Variants in SYNE2 observed in about 807,000 individuals in gnomAD.
The protein encoded by SYNE2 is spectrin repeat containing nuclear envelope protein 2, also known as nesprin-2.
SYNE2 carries 431 observed loss-of-function variants against 856.3 expected under a neutral mutation model. The ratio of observed to expected loss-of-function variants is 0.50; its 90% CI spans 0.47 to 0.55. SYNE2 has a LOEUF of 0.55. SYNE2 is among the 20% of genes least tolerant of loss of function. SYNE2 has a pLI of 0.00. For missense variants in SYNE2, 8,129 were observed against 8,023.2 expected, an observed-to-expected ratio of 1.01 and a Z score of -0.50; for synonymous variants, 2,923 against 2,872.3, an observed-to-expected ratio of 1.02 and a Z score of -0.56.
chr14:64,207,511 G>A (rs2098611741), intron 100 of SYNE2, among the ~76,000 whole-genome samples: 1 of 146,994 alleles, frequency 6.8e-6, no homozygotes, highest in Non-Finnish European at 1.5e-5. Context: ...CGTGAGCCAA[G>A]ATCGCACCAC....
At chr14:64,013,629 C>T (rs55643124) in intron 32 of SYNE2, among the ~76,000 whole-genome samples, 1 of 152,280 alleles carries the variant, frequency 6.6e-6, no homozygotes, top group Non-Finnish European at 1.5e-5. Flanking sequence ...CTAGTTCCAC[C>T]TGTGTGGACA....
intron 7 of SYNE2, among the ~76,000 whole-genome samples, chr14:63,951,763 A>G (rs543137982): frequency 1.3e-5 from 2 of 152,312 alleles, no homozygotes; most frequent in South Asian, 4.1e-4. Flanking sequence ...AAAATCCCAA[A>G]CAGTATTTGT....
chr14:63,942,739 T>A, intron 6 of SYNE2, among the ~76,000 whole-genome samples: 1 of 152,010 alleles, frequency 6.6e-6, no homozygotes, highest in Non-Finnish European at 1.5e-5. Context: ...AGGTGATCCG[T>A]CCACCTCTGC....
At chr14:63,795,265 G>C (rs975654398) in intron 1 of SYNE2, among the ~76,000 whole-genome samples, 1 of 152,040 alleles carries the variant, frequency 6.6e-6, no homozygotes, top group African/African-American at 2.4e-5. Context: ...CATCTAATCA[G>C]CTGCCAGCGT....
chr14:63,893,852 A>G (rs2095193292), intron 1 of SYNE2, among the ~76,000 whole-genome samples: 1 of 152,160 alleles, frequency 6.6e-6, no homozygotes, highest in Non-Finnish European at 1.5e-5. Flanking sequence ...TAAGTGATGC[A>G]AGGATGTCCG....
Position 64,052,293 on chromosome 14 carries a change from C to G in SYNE2, c.8380C>G (p.Pro2794Ala). The change falls in exon 48 of 116, where the codon CCT (proline) becomes GCT (alanine). Residue 2794 changes from proline (P) to alanine (A), a missense_variant. Around this residue, in one of 3 missense-constraint regions of SYNE2, gnomAD observed 5,410 missense variants for 5,284.8 expected, o/e 1.02. Coordinates refer to ENST00000555002, the MANE Select transcript of SYNE2 (RefSeq NM_182914.3). ...GGCTGAAGAGGTCAAAGATAAGGTTCCTAGCCTTACAACCTATGAGGGCAG... is the reference window on the plus strand; with the variant it reads ...GGCTGAAGAGGTCAAAGATAAGGTTGCTAGCCTTACAACCTATGAGGGCAG... ...SLAEEVKDKV[P>A]SLTTYEGSDL... The G allele has an allele frequency of 6.2e-7, 1 of 1,614,144 alleles. No homozygotes were observed. The highest frequency in any genetic ancestry group is 8.5e-7 in the Non-Finnish European group (1 of 1,180,014).
chr14:63,904,881 C>T (rs999390509), intron 1 of SYNE2, among the ~76,000 whole-genome samples: 24 of 152,014 alleles, frequency 1.6e-4, no homozygotes, highest in African/African-American at 5.1e-4. Context: ...TTCTTTGTCA[C>T]GGCTTATGTT....
Position 64,031,044 on chromosome 14 carries a change from A to G in SYNE2, c.6908A>G (p.Asp2303Gly), listed in dbSNP as rs772991813. The change falls in exon 45 of 116, where the codon GAT becomes GGT. Residue 2303 changes from aspartate (D) to glycine (G), a missense_variant. Physicochemically the swap from Asp to Gly is moderately conservative, Grantham distance 94. Around this residue, in one of 3 missense-constraint regions of SYNE2, gnomAD observed 297 missense variants for 380.9 expected, o/e 0.78. Transcript: ENST00000555002. ...QELENRLSLQ[D>G]GTLKKILALA... ...CTAGAGAATAGACTCAGTTTACAAG[A>G]TGGCACATTAAAGAAGATTTTAGCT... is the stretch of plus-strand genomic sequence containing the variant. The G allele has an allele frequency of 9.3e-6, 15 of 1,614,064 alleles. No individual in the cohort carries two copies. The Admixed American group carries it at 2.3e-4, about 25-fold the overall frequency.
At chr14:64,032,639 C>T (rs2097049487) in intron 45 of SYNE2, among the ~76,000 whole-genome samples, 1 of 152,062 alleles carries the variant, frequency 6.6e-6, no homozygotes, top group Non-Finnish European at 1.5e-5. Context: ...ATGGTGCAAT[C>T]TTGGCTCACC....
intron 1 of SYNE2, among the ~76,000 whole-genome samples, chr14:63,865,711 C>T (rs74406765): frequency 2.9e-5 from 1 of 34,606 alleles, no homozygotes; most frequent in Non-Finnish European, 6.8e-5. Flanking sequence ...AAACTCTGTA[C>T]CCACCCCCCC....
At chr14:64,074,884 A>AAC (rs2097445248) in intron 53 of SYNE2, among the ~76,000 whole-genome samples, 1 of 151,624 alleles carries the variant, frequency 6.6e-6, no homozygotes, top group African/African-American at 2.4e-5. Flanking sequence ...CCATCTCAAA[A>AAC]AAAAAAAAGT....
rs575075102 is a variant in SYNE2 at position 64,077,654 on chromosome 14, A to G, written c.11023-812A>G. On this transcript the variant is annotated intron_variant, in intron 54 of 115. Coordinates refer to ENST00000555002, the MANE Select transcript of SYNE2 (RefSeq NM_182914.3). ...ATAGAGTTGTTTTTTTTTTTAATTTACAAAACAAAGGATTATACAAAAGCA... is the reference window on the plus strand; with the variant it reads ...ATAGAGTTGTTTTTTTTTTTAATTTGCAAAACAAAGGATTATACAAAAGCA... Among the ~76,000 whole-genome samples, 3 of 152,042 alleles carry G rather than the reference A, an allele frequency of 2.0e-5. No individual in the cohort carries two copies. In the South Asian group the frequency reaches 6.3e-4, roughly 32 times the overall value.
chr14:63,963,238 A>G (rs986309008), intron 9 of SYNE2, among the ~76,000 whole-genome samples: 7 of 152,218 alleles, frequency 4.6e-5, no homozygotes, highest in African/African-American at 1.2e-4. Flanking sequence ...ACTAATTTTC[A>G]TATTAAAAAA....
intron 1 of SYNE2, among the ~76,000 whole-genome samples, chr14:63,809,608 T>C (rs2139822221): frequency 6.6e-6 from 1 of 152,252 alleles, no homozygotes; most frequent in South Asian, 2.1e-4. Flanking sequence ...CCAGCGATGC[T>C]CCTGCCTCAT....
rs1160197603 is a variant in SYNE2, at chr14:63,775,209, TG to T, written c.-305+13226del. On this transcript the variant is annotated intron_variant, in intron 1 of 23. Coordinates refer to the SYNE2 transcript ENST00000674003. The stretch of plus-strand genomic sequence containing the variant: ...CTGGCTGGACTCAAACTCCTGACCT[TG>T]GGTGATCCACCACCTCGGCCTCCCA... Among the ~76,000 whole-genome samples the T allele has an allele frequency of 2.1e-4, 32 of 152,104 alleles. 1 individual carries two copies. The East Asian group carries it at 4.6e-3, about 22-fold the overall frequency.
chr14:63,870,314 G>T (rs1896541273), intron 1 of SYNE2, among the ~76,000 whole-genome samples: 1 of 148,886 alleles, frequency 6.7e-6, no homozygotes, highest in African/African-American at 2.5e-5. Flanking sequence ...TACAAAATTA[G>T]CCCTAACTTC....
rs750274022 is a variant in SYNE2, at chr14:64,024,983, A to G, written c.5912A>G (p.Glu1971Gly). 6.2e-7 allele frequency: 1 copy of G among 1,614,098 alleles called. No individual in the cohort carries two copies. The highest frequency in any genetic ancestry group is 1.7e-5 in the Admixed American group (1 of 60,026). The change falls in exon 40 of 116, where the codon GAA becomes GGA. Residue 1971 changes from glutamate (E) to glycine (G), a missense_variant. Coordinates refer to ENST00000555002, the MANE Select transcript of SYNE2 (RefSeq NM_182914.3). ...GAAGAGAAATGGAAAGGAATGGAAG[A>G]ACCAGGGGAGAAAACTGAGCTGTTC... Reference protein sequence around the residue: ...NQEEKWKGMEEPGEKTELFCQ... With the variant: ...NQEEKWKGMEGPGEKTELFCQ...
intron 1 of SYNE2, among the ~76,000 whole-genome samples, chr14:63,891,070 T>C (rs1299454873): frequency 6.6e-6 from 1 of 152,202 alleles, no homozygotes; most frequent in Non-Finnish European, 1.5e-5. Context: ...TTATAATATT[T>C]ATCTCACGCC....
At chr14:63,997,854 G>A (rs1292156025) in intron 25 of SYNE2, among the ~76,000 whole-genome samples, 6 of 152,172 alleles carry the variant, frequency 3.9e-5, no homozygotes, top group Admixed American at 1.3e-4. Context: ...GTGTGTTACA[G>A]TCCAGACTGT....
Sources: gnomAD v4.1 joint callset for allele counts (sites outside exome capture counted in the v4.1 genomes callset) on GRCh38, gnomAD v4.1.1 for gene constraint, gnomAD v4.1.1 regional missense constraint, MANE v1.5 for transcripts, NCBI Gene and HGNC (gene_info 2026-07-23, HGNC 2026-07-21) for gene names.